The following IWS1 variants were observed in gnomAD, a reference collection of about 807,000 sequenced individuals.
IWS1 encodes interacts with SUPT6H, CTD assembly factor 1.
In IWS1, 27 loss-of-function variants were observed where a neutral mutation model predicts 86.7. The ratio of observed to expected loss-of-function variants is 0.31; its 90% CI spans 0.23 to 0.43. The LOEUF is 0.43. Among genes scored for constraint, IWS1 ranks in the 20% least tolerant of loss-of-function variants. The pLI, the probability that IWS1 is intolerant of heterozygous loss-of-function variation, is 1.00. For synonymous variants in IWS1, 313 were observed against 335.1 expected, an observed-to-expected ratio of 0.93 and a Z score of 0.72; for missense variants, 827 against 1,000.8, an observed-to-expected ratio of 0.83 and a Z score of 2.34.
rs569626200 is a variant in IWS1 at position 127,523,758 on chromosome 2, C to G, written c.68G>C (p.Arg23Pro). 6.2e-7 allele frequency: 1 copy of G among 1,613,744 alleles called. No homozygotes were observed. The highest frequency in any genetic ancestry group is 1.3e-5 in the African/African-American group (1 of 74,916). ...ATCCTCACCGTCTGACCCTGAATCC[C>G]GTTCATCCTGTACTGGGGTAGCACC... ...DGGATPVQDE[R>P]DSGSDGEDDV... Residue 23 changes from arginine to proline, a missense_variant, in exon 2 of 14, where the codon CGG (arginine) becomes CCG (proline). Transcript: ENST00000295321.
At chr2:127,513,912 GCAGA>G (rs1379622585) in intron 2 of IWS1, among the ~76,000 whole-genome samples, 2 of 152,080 alleles carry the variant, frequency 1.3e-5, no homozygotes, top group Non-Finnish European at 2.9e-5. Flanking sequence ...ACAGCAGGAA[GCAGA>G]CAAATTCCTA....
chr2:127,489,984 G>C lies in IWS1; in HGVS notation c.2048-41C>G, dbSNP rs752783043. ...AATCAATTATTTTGTCCATAAAATT[G>C]CATTTCCATTTTTTTCAAATAATTG... On this transcript the variant is annotated intron_variant, in intron 10 of 13. Transcript: ENST00000295321. This position sits in a 1 kb window ranked among gnomAD's most constrained non-coding sequence, Gnocchi z 4.8. 1 of 1,137,664 alleles carries C rather than the reference G, an allele frequency of 8.8e-7. No individual in the cohort carries two copies. Among genetic ancestry groups the C allele is most frequent in the Non-Finnish European group, 1.3e-6 (1 of 749,150 alleles). 70.5% of individuals were successfully genotyped at this position (1,137,664 alleles called of 1,614,324 possible). A position where few individuals can be genotyped will look rare whatever the true frequency, so the allele number is the denominator to read the frequency against.
intron 10 of IWS1, 81 bp from the exon 11 acceptor site, chr2:127,490,024 G>C: frequency 1.3e-6 from 1 of 775,086 alleles, no homozygotes; most frequent in Non-Finnish European, 2.3e-6. Flanking sequence ...CCAGTGTGAG[G>C]GGATATTCTA....
At chr2:127,503,344 C>CT (rs781715236) in intron 4 of IWS1, 43 bp downstream of exon 4, 1 of 1,467,422 alleles carries the variant, frequency 6.8e-7, no homozygotes, top group East Asian at 2.3e-5. Flanking sequence ...TCTCTACTGC[C>CT]TAATTAAGAA....
At chr2:127,526,613 G>A (rs1692437036), upstream of IWS1, 1 of 1,351,526 alleles carries the variant, frequency 7.4e-7, no homozygotes, top group Non-Finnish European at 9.8e-7. Flanking sequence ...AATTGAGCTG[G>A]AACTCGGGCT....
intron 2 of IWS1, among the ~76,000 whole-genome samples, chr2:127,507,117 A>G (rs1257095719): frequency 6.6e-6 from 1 of 152,200 alleles, no homozygotes; most frequent in African/African-American, 2.4e-5. Context: ...AAGAGCCTTT[A>G]ATAATATATA....
In IWS1 at chr2:127,526,309, A is replaced by C; in HGVS notation, c.-101T>G. ...GGATGGCGCGGCTAAGTGTTCAGAGACTGCCGCCCGACCGGAGAACTTAAC... is the reference window on the plus strand; with the variant it reads ...GGATGGCGCGGCTAAGTGTTCAGAGCCTGCCGCCCGACCGGAGAACTTAAC... On this transcript the variant is annotated 5_prime_UTR_variant, in exon 1 of 14. Transcript: ENST00000295321. The C allele has an allele frequency of 6.5e-7, 1 of 1,541,554 alleles. No homozygotes were observed.
At chr2:127,483,600 T>TGGGGGGGGGGGGGGG (rs1558736829) in intron 13 of IWS1, among the ~76,000 whole-genome samples, 1 of 5,880 alleles carries the variant, frequency 1.7e-4, no homozygotes, top group African/African-American at 4.0e-4. Context: ...GTGGGGGGGT[T>TGGGGGGGGGGGGGGG]GGGCTGTGTG....
chr2:127,526,591 GAC>G, upstream of IWS1: 1 of 1,373,926 alleles, frequency 7.3e-7, no homozygotes, highest in African/African-American at 1.5e-5. Context: ...CCGGAAAGGA[GAC>G]TCCTGGGAAA....
At position 127,499,381 on chromosome 2, in the gene IWS1, C is replaced by T. The variant is rs569904436; in HGVS notation, c.1468-1144G>A. Among the ~76,000 whole-genome samples the T allele has an allele frequency of 2.0e-5, 3 of 152,284 alleles. No individual in the cohort carries two copies. Among genetic ancestry groups the T allele is most frequent in the East Asian group, 3.9e-4 (2 of 5,186 alleles). On this transcript the variant is annotated intron_variant, in intron 5 of 13. Transcript: ENST00000295321. The surrounding 1 kb of genome is among the most constrained non-coding windows in gnomAD (Gnocchi z 4.0). Reference sequence around the variant, plus strand: ...CTGGGATTACAGGCGTGAGCCACCGCGCCCGGCCAATTTTTCATTTTTATG... The same window carrying T: ...CTGGGATTACAGGCGTGAGCCACCGTGCCCGGCCAATTTTTCATTTTTATG...
chr2:127,491,149 G>C (rs1195456472), intron 10 of IWS1, among the ~76,000 whole-genome samples: 3 of 152,186 alleles, frequency 2.0e-5, no homozygotes. Context: ...ATGCAAAAAG[G>C]TTTTGAAGAC....
chr2:127,515,938 A>T (rs1691742081), intron 2 of IWS1, among the ~76,000 whole-genome samples: 1 of 152,148 alleles, frequency 6.6e-6, no homozygotes. Context: ...GTTCCGAAAG[A>T]CTGCAGTTGA....
intron 13 of IWS1, among the ~76,000 whole-genome samples, chr2:127,484,174 T>C (rs888887076): frequency 1.3e-5 from 2 of 151,724 alleles, no homozygotes; most frequent in Non-Finnish European, 2.9e-5. Flanking sequence ...CCAGGTGTGG[T>C]GGTGGGCGCC....
At chr2:127,494,697 A>G (rs1690422638) in intron 8 of IWS1, 175 bp downstream of exon 8, 1 of 417,614 alleles carries the variant, frequency 2.4e-6, no homozygotes, top group Admixed American at 4.4e-5. Context: ...TGCACCAGGC[A>G]TCAAGGCTTA....
intron 13 of IWS1, among the ~76,000 whole-genome samples, chr2:127,483,633 T>TGC (rs1348624853): frequency 4.5e-5 from 2 of 44,936 alleles, no homozygotes; most frequent in Middle Eastern, 0.014. Flanking sequence ...TGCGTGTGCG[T>TGC]GTGTGTGTGT....
chr2:127,492,546 CAAA>C (rs67080980), intron 9 of IWS1, among the ~76,000 whole-genome samples: 24 of 143,128 alleles, frequency 1.7e-4, no homozygotes, highest in Middle Eastern at 3.6e-3. Context: ...AACTCCGTCT[CAAA>C]AAAAAAAAAA....
In IWS1 at chr2:127,489,894, C is replaced by T; in HGVS notation, c.2097G>A (p.Met699Ile). ...CTCTCTGCTCCCTTTCTTCTCTTGT[C>T]ATTCCTTTGTAGTTTGAGGTAAGAC... is the stretch of plus-strand genomic sequence containing the variant. Reference protein sequence around the residue: ...IFGLTSNYKGMTREEREQRDL... With the variant: ...IFGLTSNYKGITREEREQRDL... Residue 699 changes from methionine to isoleucine, a missense_variant, in exon 11 of 14, where the codon ATG becomes ATA. By Grantham distance (10) the Met-to-Ile change is conservative (BLOSUM62 1). Around this residue, in one of 2 missense-constraint regions of IWS1, gnomAD observed 279 missense variants for 440.6 expected, o/e 0.63. Coordinates refer to ENST00000295321, the MANE Select transcript of IWS1 (RefSeq NM_017969.3). This position sits in a 1 kb window ranked among gnomAD's most constrained non-coding sequence, Gnocchi z 4.8. 6.2e-7 allele frequency: 1 copy of T among 1,612,980 alleles called. No individual in the cohort carries two copies. The highest frequency in any genetic ancestry group is 8.5e-7 in the Non-Finnish European group (1 of 1,179,030).
Position 127,489,227 on chromosome 2 carries a change from C to A in IWS1, c.2168G>T (p.Gly723Val), listed in dbSNP as rs537569070. The change falls in exon 12 of 14, where the codon GGT becomes GTT. Residue 723 changes from glycine to valine, a missense_variant. Gly to Val is a moderately radical substitution (Grantham distance 109). Coordinates refer to ENST00000295321, the MANE Select transcript of IWS1 (RefSeq NM_017969.3). The surrounding 1 kb of genome is among the most constrained non-coding windows in gnomAD (Gnocchi z 4.8). The stretch of plus-strand genomic sequence containing the variant: ...TTCCAGGTCTCTTCTGGGTGTCTGA[C>A]CACCAGTGCTGAAAAAAAAGTAAAC... ...PQRRRMNSTG[G>V]QTPRRDLEKV... 1.9e-6 allele frequency: 3 copies of A among 1,612,196 alleles called. No individual in the cohort carries two copies. In the African/African-American group the frequency reaches 4.0e-5, roughly 22 times the overall value.
At position 127,519,063 on chromosome 2, in the gene IWS1, CATTTT is replaced by C. The variant is rs202207719; in HGVS notation, c.150+4608_150+4612del. 4.7e-3 allele frequency among the ~76,000 whole-genome samples: 717 copies of C among 151,238 alleles called. 6 individuals are homozygous for C. Among genetic ancestry groups the C allele is most frequent in the African/African-American group, 0.017 (688 of 41,254 alleles). The stretch of plus-strand genomic sequence containing the variant: ...TATTTTGTTCATTTTTTTTTGCATT[CATTTT>C]GAGTTTTAAAATATCATTTATCTTG... On this transcript the variant is annotated intron_variant, in intron 2 of 13. Transcript: ENST00000295321.
Sources: gnomAD v4.1 joint callset for allele counts (sites outside exome capture counted in the v4.1 genomes callset) on GRCh38, gnomAD v4.1.1 for gene constraint, gnomAD v4.1.1 regional missense constraint, Gnocchi (gnomAD v3.1) non-coding constraint, MANE v1.5 for transcripts, NCBI Gene and HGNC (gene_info 2026-07-23, HGNC 2026-07-21) for gene names.